EGFLAM: variants seen among roughly 807,000 people sequenced by gnomAD.
EGFLAM encodes the protein EGF like, fibronectin type III and laminin G domains, also known as pikachurin.
A neutral mutation model predicts 113.1 loss-of-function variants in EGFLAM; 79 were observed. That is an observed-to-expected ratio of 0.70 (90% confidence interval 0.58 to 0.84). The LOEUF is 0.84. EGFLAM is among the 40% of genes least tolerant of loss of function. EGFLAM has a pLI of 0.00. For synonymous variants in EGFLAM, 504 were observed against 487.6 expected (o/e 1.03, Z -0.44); for missense variants, 1,265 against 1,291.6 (o/e 0.98, Z 0.32).
At chr5:38,403,786 A>G in intron 6 of EGFLAM, 1 of 1,608,596 alleles carries the variant, frequency 6.2e-7, no homozygotes, top group Non-Finnish European at 8.5e-7. Context: ...CTTGCTGTAC[A>G]AAGATAGAGA....
chr5:38,404,000 A>G (rs1741199073), intron 6 of EGFLAM: 28 of 1,597,714 alleles, frequency 1.8e-5, no homozygotes, highest in Non-Finnish European at 2.3e-5. Context: ...CCCCTTTGTT[A>G]TCCCACCTCC....
chr5:38,417,347 C>CAAAAAAAAAAAAAAAAAAAA (rs752613827), intron 11 of EGFLAM, among the ~76,000 whole-genome samples: 2 of 78,472 alleles, frequency 2.5e-5, no homozygotes, highest in Non-Finnish European at 4.5e-5. Flanking sequence ...GACTCTGTCT[C>CAAAAAAAAAAAAAAAAAAAA]AAAAAAAAAA....
intron 6 of EGFLAM, among the ~76,000 whole-genome samples, chr5:38,380,715 C>T (rs916134695): frequency 2.6e-5 from 4 of 152,180 alleles, no homozygotes; most frequent in Non-Finnish European, 4.4e-5. Flanking sequence ...TTGCTGATGA[C>T]TCCATGCATG....
At chr5:38,333,616 T>A (rs772928784) in intron 1 of EGFLAM, among the ~76,000 whole-genome samples, 3 of 152,232 alleles carry the variant, frequency 2.0e-5, no homozygotes, top group Admixed American at 6.5e-5. Context: ...AGATGTGTGT[T>A]CGTGTCCTTT....
chr5:38,393,865 C>T (rs746791883), intron 6 of EGFLAM, among the ~76,000 whole-genome samples: 17 of 152,202 alleles, frequency 1.1e-4, no homozygotes, highest in Non-Finnish European at 1.8e-4. Flanking sequence ...CCGGCCCTCT[C>T]GGCACCCGGG....
intron 4 of EGFLAM, 147 bp downstream of exon 4, chr5:38,350,765 G>T: frequency 1.4e-6 from 1 of 707,320 alleles, no homozygotes; most frequent in Admixed American, 2.9e-5. Flanking sequence ...CACAGCTCCC[G>T]CCCTCTCAGA....
At position 38,428,122 on chromosome 5, in the gene EGFLAM, C is replaced by G. The variant is rs143514217; in HGVS notation, c.2054+870C>G. Among the ~76,000 whole-genome samples the G allele has an allele frequency of 4.1e-3, 625 of 152,288 alleles. 4 individuals are homozygous for G. Among genetic ancestry groups the G allele is most frequent in the African/African-American group, 0.014 (595 of 41,556 alleles). ...TCTAATTCGTCTTTTTTGAAACTCA[C>G]TAGGATGTTTTGCTCCATGGTGCCC... On this transcript the variant is annotated intron_variant, in intron 14 of 21. Coordinates refer to ENST00000322350, the MANE Select transcript of EGFLAM (RefSeq NM_152403.4).
At chr5:38,349,534 G>A (rs1739559901) in intron 3 of EGFLAM, among the ~76,000 whole-genome samples, 1 of 152,208 alleles carries the variant, frequency 6.6e-6, no homozygotes, top group Non-Finnish European at 1.5e-5. Context: ...TAATATCAGC[G>A]ACACAGCTAA....
intron 20 of EGFLAM, 76 bp downstream of exon 20, chr5:38,458,470 C>T (rs552514092): frequency 6.9e-7 from 1 of 1,440,726 alleles, no homozygotes; most frequent in Non-Finnish European, 9.5e-7. Flanking sequence ...CCCTTGTAGT[C>T]CCACTGTCCT....
intron 19 of EGFLAM, among the ~76,000 whole-genome samples, chr5:38,453,476 C>T (rs984958130): frequency 6.6e-6 from 1 of 152,132 alleles, no homozygotes; most frequent in African/African-American, 2.4e-5. Flanking sequence ...CAATGTTATG[C>T]TATTCCCTAA....
Position 38,407,857 on chromosome 5 carries a change from AC to A in EGFLAM, c.1202del (p.Pro401LeufsTer2). ...FFGHSYVTFE[P>X]LKNSYQAFQI... ...TTGGCCACTCCTATGTAACGTTTGA[AC>A]CTCTGAAGAATTCTTATCAGGCATT... is the stretch of plus-strand genomic sequence containing the variant. On this transcript the variant is annotated frameshift_variant, in exon 9 of 22. Transcript: ENST00000322350. LOFTEE classifies it high-confidence loss of function. The A allele has an allele frequency of 6.2e-7, 1 of 1,613,896 alleles. No individual in the cohort carries two copies. The highest frequency in any genetic ancestry group is 2.2e-5 in the East Asian group (1 of 44,874).
intron 5 of EGFLAM, among the ~76,000 whole-genome samples, chr5:38,369,797 A>G (rs1268357583): frequency 6.6e-6 from 1 of 152,228 alleles, no homozygotes; most frequent in Non-Finnish European, 1.5e-5. Context: ...GTAGCTGTAT[A>G]ATTAAGACTA....
intron 5 of EGFLAM, among the ~76,000 whole-genome samples, chr5:38,360,132 A>G (rs866822332): frequency 6.6e-6 from 1 of 152,204 alleles, no homozygotes; most frequent in African/African-American, 2.4e-5. Flanking sequence ...GACCCTGCAA[A>G]GGCTGTTACT....
chr5:38,407,976 C>A, intron 9 of EGFLAM, 71 bp downstream of exon 9: 1 of 1,269,056 alleles, frequency 7.9e-7, no homozygotes, highest in Non-Finnish European at 1.1e-6. Flanking sequence ...CATTCAAAGG[C>A]TGGGGGAGAG....
intron 17 of EGFLAM, among the ~76,000 whole-genome samples, chr5:38,447,813 G>C (rs2561804): frequency 6.6e-6 from 1 of 151,646 alleles, no homozygotes; most frequent in Non-Finnish European, 1.5e-5. Context: ...TCAGAAATGC[G>C]GGAGTCCAAG....
At chr5:38,388,351 G>A (rs1383702033) in intron 6 of EGFLAM, among the ~76,000 whole-genome samples, 1 of 152,132 alleles carries the variant, frequency 6.6e-6, no homozygotes, top group African/African-American at 2.4e-5. Context: ...CAGGTGTGGT[G>A]GCTCACACCT....
intron 5 of EGFLAM, among the ~76,000 whole-genome samples, chr5:38,362,875 A>T (rs993777998): frequency 6.6e-6 from 1 of 152,186 alleles, no homozygotes; most frequent in East Asian, 1.9e-4. Context: ...TACCCTAAAC[A>T]TTCCTGATAT....
At chr5:38,442,093 C>T (rs1296138767) in intron 17 of EGFLAM, among the ~76,000 whole-genome samples, 1 of 152,242 alleles carries the variant, frequency 6.6e-6, no homozygotes, top group East Asian at 1.9e-4. Context: ...TGAGTCACAT[C>T]ATGTTCCAGG....
intron 6 of EGFLAM, among the ~76,000 whole-genome samples, chr5:38,380,666 T>C (rs1740486287): frequency 6.6e-6 from 1 of 152,228 alleles, no homozygotes; most frequent in Admixed American, 6.5e-5. Flanking sequence ...GATGTAATTT[T>C]ACATTCAGGG....
Sources: allele counts gnomAD v4.1 joint callset (sites outside exome capture counted in the v4.1 genomes callset), GRCh38; gene constraint gnomAD v4.1.1; transcripts MANE v1.5; gene names NCBI Gene and HGNC (gene_info 2026-07-23, HGNC 2026-07-21).